FGFR2: variants seen among roughly 807,000 people sequenced by gnomAD.
FGFR2 encodes the protein BEK fibroblast growth factor receptor.
A neutral mutation model predicts 95.9 loss-of-function variants in FGFR2; 19 were observed. That is an observed-to-expected ratio of 0.20 (90% CI 0.14 to 0.29). FGFR2 has a LOEUF of 0.29. Ranked by LOEUF, FGFR2 falls within the 10% of genes least tolerant of loss-of-function variation. The pLI, the probability that FGFR2 is intolerant of heterozygous loss-of-function variation, is 1.00. For synonymous variants in FGFR2, 392 were observed against 393.3 expected, an observed-to-expected ratio of 1.00 and a Z score of 0.04; for missense variants, 707 against 1,056.9, an observed-to-expected ratio of 0.67 and a Z score of 4.59.
intron 13 of FGFR2, among the ~76,000 whole-genome samples, chr10:121,492,694 G>A (rs140006748): frequency 1.6e-4 from 25 of 152,302 alleles, no homozygotes; most frequent in Middle Eastern, 3.4e-3. Flanking sequence ...CAGAGCCCTC[G>A]CAAGGGGACC....
chr10:121,551,296 G>A lies in FGFR2; in HGVS notation c.618C>T (p.Gly206=). 1 of 1,614,090 alleles carries A rather than the reference G, an allele frequency of 6.2e-7. No homozygotes were observed. The highest frequency in any genetic ancestry group is 1.3e-5 in the African/African-American group (1 of 75,044). ...KEFKQEHRIG[G]YKVRNQHWSL... is the part of the protein sequence containing the mutation. ...TCTGAAAGCTTAATTCTACCTTGTA[G>A]CCTCCAATGCGATGCTCCTGCTTAA... is the stretch of plus-strand genomic sequence containing the variant. The change falls in exon 5 of 18, where the codon GGC becomes GGT. Residue 206 remains glycine, a synonymous_variant. Coordinates refer to ENST00000358487, the MANE Select transcript of FGFR2 (RefSeq NM_000141.5).
intron 10 of FGFR2, among the ~76,000 whole-genome samples, chr10:121,502,882 C>G (rs1847780402): frequency 6.6e-6 from 1 of 152,146 alleles, no homozygotes; most frequent in Non-Finnish European, 1.5e-5. Flanking sequence ...CGGTCCCTGC[C>G]TAGAGGACGA....
rs1857076519 is a variant in FGFR2 at position 121,562,155 on chromosome 10, A to G, written c.454+2347T>C. ...ACAAATCTAAACATACTCTTCTCAC[A>G]TAATCCAGCAATCACACTCCTTAAC... is the stretch of plus-strand genomic sequence containing the variant. On this transcript the variant is annotated intron_variant, in intron 4 of 17. Coordinates refer to ENST00000358487, the MANE Select transcript of FGFR2 (RefSeq NM_000141.5). Among the ~76,000 whole-genome samples, 6 of 152,200 alleles carry G rather than the reference A, an allele frequency of 3.9e-5. No individual in the cohort carries two copies. In the South Asian group the frequency reaches 1.2e-3, roughly 32 times the overall value.
At chr10:121,490,485 A>G (rs1294290423) in intron 13 of FGFR2, among the ~76,000 whole-genome samples, 1 of 152,100 alleles carries the variant, frequency 6.6e-6, no homozygotes, top group Non-Finnish European at 1.5e-5. Flanking sequence ...CTTTCTACAA[A>G]TGATACGCTA....
chr10:121,565,407 G>C (rs2135107893), intron 3 of FGFR2, 31 bp downstream of exon 3: 1 of 1,613,264 alleles, frequency 6.2e-7, no homozygotes, highest in Non-Finnish European at 8.5e-7. Flanking sequence ...CTACAGAGAA[G>C]AGAGAGCATA....
Position 121,520,007 on chromosome 10 carries a change from TCGGGCCCG to T in FGFR2, c.903_910del (p.Tyr301Ter). 1.2e-6 allele frequency: 2 copies of T among 1,614,208 alleles called. No homozygotes were observed. The highest frequency in any genetic ancestry group is 1.7e-6 in the Non-Finnish European group (2 of 1,180,024). ...GAGAACCTTGAGGTAGGGCAGCCCGTCGGGCCCGTATTTACTGCCGTTCTTTTCCACGT... is the reference window on the plus strand; with the variant it reads ...GAGAACCTTGAGGTAGGGCAGCCCGTTATTTACTGCCGTTCTTTTCCACGT... On this transcript the variant is annotated stop_gained and frameshift_variant, in exon 7 of 18. Coordinates refer to ENST00000358487, the MANE Select transcript of FGFR2 (RefSeq NM_000141.5). LOFTEE classifies it high-confidence loss of function.
chr10:121,551,273 T>C lies in FGFR2; in HGVS notation c.624+17A>G, dbSNP rs2134826936. 1 of 1,613,754 alleles carries C rather than the reference T, an allele frequency of 6.2e-7. No individual in the cohort carries two copies. Among genetic ancestry groups the C allele is most frequent in the Non-Finnish European group, 8.5e-7 (1 of 1,179,624 alleles). ...CAAAAATGTAAGAAATGTGATGTTCTGAAAGCTTAATTCTACCTTGTAGCC... is the reference window on the plus strand; with the variant it reads ...CAAAAATGTAAGAAATGTGATGTTCCGAAAGCTTAATTCTACCTTGTAGCC... On this transcript the variant is annotated intron_variant, in intron 5 of 17. Coordinates refer to ENST00000358487, the MANE Select transcript of FGFR2 (RefSeq NM_000141.5).
intron 8 of FGFR2, among the ~76,000 whole-genome samples, 162 bp from the exon 9 acceptor site, chr10:121,515,481 G>A (rs1849595034): frequency 6.6e-6 from 1 of 151,992 alleles, no homozygotes; most frequent in Non-Finnish European, 1.5e-5. Flanking sequence ...ATAACCAGGG[G>A]TCCATCATTT....
chr10:121,593,704 C>G lies in FGFR2; in HGVS notation c.109+5G>C, dbSNP rs2135481717. ...AAACCTGAAAAGTGAAATTAAATGACTTACCTTCTGGCTCTAATGTGGTAT... is the reference window on the plus strand; with the variant it reads ...AAACCTGAAAAGTGAAATTAAATGAGTTACCTTCTGGCTCTAATGTGGTAT... On this transcript the variant is annotated splice_donor_5th_base_variant and intron_variant, in intron 2 of 17. Coordinates refer to ENST00000358487, the MANE Select transcript of FGFR2 (RefSeq NM_000141.5). 1 of 1,613,144 alleles carries G rather than the reference C, an allele frequency of 6.2e-7. No individual in the cohort carries two copies.
chr10:121,569,199 TTTTTCTTTTC>T (rs141842032), intron 2 of FGFR2, among the ~76,000 whole-genome samples: 4,320 of 137,780 alleles, frequency 0.031, 141 homozygotes, highest in East Asian at 0.19. Flanking sequence ...TCTGGGTTTC[TTTTTCTTTTC>T]TTTTCTTTTC....
chr10:121,569,125 A>G (rs1444370689), intron 2 of FGFR2, among the ~76,000 whole-genome samples: 2 of 152,186 alleles, frequency 1.3e-5, no homozygotes, highest in Non-Finnish European at 2.9e-5. Context: ...GTTACTCTTC[A>G]AGGCGGAAGA....
At chr10:121,513,286 T>TC (rs1290016544) in intron 9 of FGFR2, among the ~76,000 whole-genome samples, 1 of 152,210 alleles carries the variant, frequency 6.6e-6, no homozygotes, top group Non-Finnish European at 1.5e-5. Flanking sequence ...CTCTTCTTAG[T>TC]CCTCAAGGAT....
rs533063475 is a variant in FGFR2 at position 121,531,988 on chromosome 10, C to T, written c.748+6604G>A. Among the ~76,000 whole-genome samples, 5 of 152,340 alleles carry T rather than the reference C, an allele frequency of 3.3e-5. No homozygotes were observed. The highest frequency in any genetic ancestry group is 2.0e-4 in the Admixed American group (3 of 15,308). On this transcript the variant is annotated intron_variant, in intron 6 of 17. Coordinates refer to ENST00000358487, the MANE Select transcript of FGFR2 (RefSeq NM_000141.5). The surrounding 1 kb of genome is among the most constrained non-coding windows in gnomAD (Gnocchi z 4.5). ...TGTCGCTGTGACCCATTACCTGGCA[C>T]GCCACCCCAATCCCTTCTCAACAGA...
intron 4 of FGFR2, among the ~76,000 whole-genome samples, chr10:121,561,114 C>A (rs1020890985): frequency 1.3e-5 from 2 of 152,132 alleles, no homozygotes; most frequent in African/African-American, 2.4e-5. Flanking sequence ...CTACCAATAT[C>A]TATTTTATCT....
At chr10:121,577,178 T>TATAGAGAGAGAGAGAG in intron 2 of FGFR2, among the ~76,000 whole-genome samples, 7 of 5,212 alleles carry the variant, frequency 1.3e-3, no homozygotes, top group South Asian at 6.8e-3. Context: ...TATATATATA[T>TATAGAGAGAGAGAGAG]AGAGAGAGAG....
intron 2 of FGFR2, among the ~76,000 whole-genome samples, chr10:121,569,751 C>T (rs547107741): frequency 6.5e-4 from 99 of 152,326 alleles, no homozygotes; most frequent in African/African-American, 8.7e-4. Context: ...TCTTCAAAGT[C>T]TCAAACCAGT....
At chr10:121,510,703 C>G (rs921852698) in intron 9 of FGFR2, among the ~76,000 whole-genome samples, 1 of 152,146 alleles carries the variant, frequency 6.6e-6, no homozygotes, top group Non-Finnish European at 1.5e-5. Flanking sequence ...CATCTTGGTC[C>G]TATTCCTAAC....
At chr10:121,564,750 A>C (rs1857432805) in intron 3 of FGFR2, among the ~76,000 whole-genome samples, 171 bp from the exon 4 acceptor site, 1 of 152,192 alleles carries the variant, frequency 6.6e-6, no homozygotes, top group African/African-American at 2.4e-5. Context: ...TTTTCCCTCC[A>C]TGATGACAGT....
intron 4 of FGFR2, among the ~76,000 whole-genome samples, chr10:121,559,920 AT>A (rs1856708464): frequency 6.6e-6 from 1 of 152,196 alleles, no homozygotes; most frequent in African/African-American, 2.4e-5. Flanking sequence ...ATTGCTTCAC[AT>A]GGTTTCACGG....
Sources: allele counts gnomAD v4.1 joint callset (sites outside exome capture counted in the v4.1 genomes callset), GRCh38; gene constraint gnomAD v4.1.1; non-coding constraint Gnocchi (gnomAD v3.1); transcripts MANE v1.5; gene names NCBI Gene and HGNC (gene_info 2026-07-23, HGNC 2026-07-21).